The following GFOD2 variants were observed in gnomAD, a reference collection of about 807,000 sequenced individuals.
GFOD2 encodes the protein Gfo/Idh/MocA-like oxidoreductase domain containing 2.
A neutral mutation model predicts 24.6 loss-of-function variants in GFOD2; 9 were observed. The observed-to-expected ratio is 0.37, with a 90% CI of 0.22 to 0.64. The LOEUF is 0.64. Ranked by LOEUF, GFOD2 falls within the 30% of genes least tolerant of loss-of-function variation. The pLI, the probability that GFOD2 is intolerant of heterozygous loss-of-function variation, is 0.65. For missense variants in GFOD2, 476 were observed against 532.5 expected (o/e 0.89, Z 1.04); for synonymous variants, 211 against 224.8 (o/e 0.94, Z 0.55).
intron 1 of GFOD2, among the ~76,000 whole-genome samples, chr16:67,694,985 CTCTTTTTT>C (rs954159946): frequency 6.9e-6 from 1 of 145,808 alleles, no homozygotes; most frequent in African/African-American, 2.6e-5. Flanking sequence ...CTCCATCTCT[CTCTTTTTT>C]TTTTTTTTTT....
intron 1 of GFOD2, among the ~76,000 whole-genome samples, chr16:67,705,290 CT>C (rs1382874407): frequency 6.6e-6 from 1 of 152,196 alleles, no homozygotes; most frequent in Non-Finnish European, 1.5e-5. Flanking sequence ...TCACTGCAAC[CT>C]TCGCCTCCCA....
chr16:67,676,970 G>A (rs2053188812), intron 2 of GFOD2: 1 of 152,212 alleles, frequency 6.6e-6, no homozygotes, highest in South Asian at 2.1e-4. Flanking sequence ...TGTGGTTCAA[G>A]TCGAAGGAAA....
rs1306569932 is a variant in GFOD2 at position 67,675,546 on chromosome 16, G to A, written c.767C>T (p.Ser256Phe). The A allele has an allele frequency of 3.7e-6, 6 of 1,613,242 alleles. No individual in the cohort carries two copies. Among genetic ancestry groups the A allele is most frequent in the African/African-American group, 2.7e-5 (2 of 74,948 alleles). The stretch of plus-strand genomic sequence containing the variant: ...TCCCCGGGCGACGAGGCGTCCTGCA[G>A]AGCCTACCACCATGACTTCATGCAC... ...AFVHEVMVVG[S>F]AGRLVARGAD... Residue 256 changes from serine to phenylalanine, a missense_variant, in exon 3 of 3, where the codon TCT becomes TTT. Physicochemically the swap from Ser to Phe is radical, Grantham distance 155 (BLOSUM62 -2). Coordinates refer to ENST00000268797, the MANE Select transcript of GFOD2 (RefSeq NM_030819.4).
chr16:67,682,481 C>T, intron 2 of GFOD2: 1 of 985,408 alleles, frequency 1.0e-6, no homozygotes, highest in Non-Finnish European at 1.2e-6. Context: ...TTTCCTGAAC[C>T]ACTTCTGAAC....
At chr16:67,717,651 C>T (rs976939461) in intron 1 of GFOD2, among the ~76,000 whole-genome samples, 2 of 152,172 alleles carry the variant, frequency 1.3e-5, no homozygotes, top group Middle Eastern at 3.4e-3. Flanking sequence ...ATTAGCTGGG[C>T]GTGGTGGTAC....
intron 1 of GFOD2, among the ~76,000 whole-genome samples, chr16:67,697,678 G>A (rs182520309): frequency 1.3e-5 from 2 of 152,322 alleles, no homozygotes; most frequent in African/African-American, 2.4e-5. Context: ...ACATGTGCAT[G>A]TGTGGAGCAA....
chr16:67,675,357 T>C lies in GFOD2; in HGVS notation c.956A>G (p.Gln319Arg). The change falls in exon 3 of 3, where the codon CAG (glutamine) becomes CGG (arginine). Residue 319 changes from glutamine to arginine, a missense_variant. By Grantham distance (43) the Gln-to-Arg change is conservative. Transcript: ENST00000268797. The part of the protein sequence containing the change: ...YMVQALRQSF[Q>R]GQGDRRTWDR... ...CCAGGTGCGGCGGTCGCCCTGCCCC[T>C]GGAAGGACTGGCGCAAGGCCTGCAC... 6.2e-7 allele frequency: 1 copy of C among 1,613,322 alleles called. No individual in the cohort carries two copies.
chr16:67,701,131 G>A (rs2053399979), intron 1 of GFOD2, among the ~76,000 whole-genome samples: 1 of 151,928 alleles, frequency 6.6e-6, no homozygotes, highest in Non-Finnish European at 1.5e-5. Context: ...TACTGGCAAG[G>A]GTAGGAAGCA....
intron 1 of GFOD2, among the ~76,000 whole-genome samples, chr16:67,691,477 G>A (rs2053312383): frequency 6.6e-6 from 1 of 150,952 alleles, no homozygotes; most frequent in African/African-American, 2.5e-5. Context: ...CAAAGCGCTA[G>A]GATTACAGAA....
At chr16:67,706,285 C>CT (rs2053439034) in intron 1 of GFOD2, among the ~76,000 whole-genome samples, 1 of 152,010 alleles carries the variant, frequency 6.6e-6, no homozygotes, top group Admixed American at 6.6e-5. Flanking sequence ...CCTGACCATA[C>CT]TTTTTTAAAT....
chr16:67,691,036 T>C (rs1439248969), intron 1 of GFOD2, among the ~76,000 whole-genome samples: 1 of 152,162 alleles, frequency 6.6e-6, no homozygotes, highest in Non-Finnish European at 1.5e-5. Flanking sequence ...CTAATTTTTA[T>C]ATTTTTTAGT....
intron 1 of GFOD2, among the ~76,000 whole-genome samples, chr16:67,704,535 T>G (rs1046165863): frequency 6.6e-6 from 1 of 152,156 alleles, no homozygotes; most frequent in Non-Finnish European, 1.5e-5. Context: ...TTTTGCCCAA[T>G]GGGATGAGAA....
chr16:67,695,075 C>A (rs1326339427), intron 1 of GFOD2, among the ~76,000 whole-genome samples: 1 of 150,908 alleles, frequency 6.6e-6, no homozygotes. Context: ...TCACTGCAAC[C>A]TTTGCCGCTC....
intron 1 of GFOD2, among the ~76,000 whole-genome samples, chr16:67,687,892 T>C (rs1011351751): frequency 6.0e-5 from 9 of 151,136 alleles, no homozygotes; most frequent in Non-Finnish European, 8.8e-5. Flanking sequence ...GGTAGAAGGA[T>C]CGCTTGAGCC....
At chr16:67,686,915 C>T (rs2053271170) in intron 1 of GFOD2, among the ~76,000 whole-genome samples, 2 of 150,112 alleles carry the variant, frequency 1.3e-5, no homozygotes, top group Non-Finnish European at 1.5e-5. Flanking sequence ...GGGAGGCTGA[C>T]GTGGGTGGAT....
chr16:67,680,861 T>C (rs1471381883), intron 2 of GFOD2: 2 of 985,438 alleles, frequency 2.0e-6, no homozygotes, highest in Non-Finnish European at 2.4e-6. Context: ...TGTGAATCTC[T>C]TCAATTTATG....
At chr16:67,679,998 C>A (rs1032694675) in intron 2 of GFOD2, among the ~76,000 whole-genome samples, 6 of 152,128 alleles carry the variant, frequency 3.9e-5, no homozygotes, top group Non-Finnish European at 7.3e-5. Flanking sequence ...TGAGCTCAAA[C>A]AGAGCCTTCC....
At chr16:67,685,211 C>T in intron 2 of GFOD2, 1 of 1,418,486 alleles carries the variant, frequency 7.0e-7, no homozygotes, top group Non-Finnish European at 9.2e-7. Flanking sequence ...TCTCCAGCCC[C>T]TTGATGGCTG....
chr16:67,684,922 G>A (rs2053254472), intron 2 of GFOD2: 4 of 998,110 alleles, frequency 4.0e-6, no homozygotes, highest in Admixed American at 5.4e-5. Flanking sequence ...TAAGCAGGCT[G>A]TCGACGGATC....
Sources: gnomAD v4.1 joint callset for allele counts (sites outside exome capture counted in the v4.1 genomes callset) on GRCh38, gnomAD v4.1.1 for gene constraint, MANE v1.5 for transcripts, NCBI Gene and HGNC (gene_info 2026-07-23, HGNC 2026-07-21) for gene names.